The following LPIN3 variants were observed in gnomAD, a reference collection of about 807,000 sequenced individuals.
The protein encoded by LPIN3 is phosphatidate phosphatase LPIN3.
LPIN3 carries 82 observed loss-of-function variants against 94.7 expected under a neutral mutation model. The ratio of observed to expected loss-of-function variants is 0.87; its 90% CI spans 0.72 to 1.04. LPIN3 has a LOEUF of 1.04. Ranked by LOEUF, LPIN3 falls within the 50% of genes least tolerant of loss-of-function variation. The pLI, the probability that LPIN3 is intolerant of heterozygous loss-of-function variation, is 0.00. For synonymous variants in LPIN3, 418 were observed against 443.3 expected (o/e 0.94, Z 0.72); for missense variants, 996 against 1,090.5 (o/e 0.91, Z 1.22).
chr20:41,353,075 G>C (rs778858155), intron 11 of LPIN3, among the ~76,000 whole-genome samples: 1 of 152,222 alleles, frequency 6.6e-6, no homozygotes, highest in Non-Finnish European at 1.5e-5. Context: ...GCTGAATCCT[G>C]TTGTATTTAA....
In LPIN3 at chr20:41,352,099, C is replaced by A. The variant is rs756236672; in HGVS notation, c.1242C>A (p.Ser414Arg). 19 of 1,614,104 alleles carry A rather than the reference C, an allele frequency of 1.2e-5. No homozygotes were observed. ...GGGCCAGAAGATGGAGTGAACCCAGCAGTCAGAAGTCCCTGAGGGACCCCA... is the reference window on the plus strand; with the variant it reads ...GGGCCAGAAGATGGAGTGAACCCAGAAGTCAGAAGTCCCTGAGGGACCCCA... The part of the protein sequence containing the change: ...GLGARRWSEP[S>R]SQKSLRDPNP... Residue 414 changes from serine (S) to arginine (R), a missense_variant, in exon 9 of 20, where the codon AGC becomes AGA. Physicochemically the swap from Ser to Arg is moderately radical, Grantham distance 110. Transcript: ENST00000373257.
chr20:41,347,700 C>T, intron 3 of LPIN3, 53 bp downstream of exon 3: 2 of 1,473,694 alleles, frequency 1.4e-6, no homozygotes, highest in Non-Finnish European at 1.9e-6. Flanking sequence ...TCCTGTGCCT[C>T]TTCTGGGCAG....
chr20:41,356,168 A>G, intron 14 of LPIN3, 134 bp downstream of exon 14: 1 of 1,306,454 alleles, frequency 7.7e-7, no homozygotes. Context: ...TCCCCTTGGG[A>G]GCCTCCCTGA....
rs749482291 is a variant in LPIN3, at chr20:41,354,735, G to A, written c.1618G>A (p.Glu540Lys). Reference sequence around the variant, plus strand: ...GCGACGCAGGGACTTCCTGGCCGAGGAGGTGGGTGGTCACAGTCGAGGGCC... The same window carrying A: ...GCGACGCAGGGACTTCCTGGCCGAGAAGGTGGGTGGTCACAGTCGAGGGCC... ...SWRRRDFLAE[E>K]RSAQKEKTAA... Residue 540 changes from glutamate to lysine, a missense_variant and splice_region_variant, in exon 12 of 20, where the codon GAG becomes AAG. Glu to Lys is a moderately conservative substitution (Grantham distance 56). Transcript: ENST00000373257. 1 of 1,608,114 alleles carries A rather than the reference G, an allele frequency of 6.2e-7. No homozygotes were observed. The highest frequency in any genetic ancestry group is 1.1e-5 in the South Asian group (1 of 90,360).
chr20:41,347,355 G>T (rs1002516424), intron 2 of LPIN3, among the ~76,000 whole-genome samples, 197 bp from the exon 3 acceptor site: 4 of 152,220 alleles, frequency 2.6e-5, no homozygotes, highest in Non-Finnish European at 4.4e-5. Flanking sequence ...CTCAGTGAAG[G>T]CCTCTCTGAG....
chr20:41,352,184 T>C lies in LPIN3; in HGVS notation c.1327T>C (p.Cys443Arg). ...DTVDTIALSL[C>R]GGLADSRDIS... ...AGTGGATACAATAGCACTGTCCCTCTGTGGTGGACTGGCTGACAGCCGGGA... is the reference window on the plus strand; with the variant it reads ...AGTGGATACAATAGCACTGTCCCTCCGTGGTGGACTGGCTGACAGCCGGGA... Residue 443 changes from cysteine (C) to arginine (R), a missense_variant, in exon 9 of 20, where the codon TGT (cysteine) becomes CGT (arginine). Transcript: ENST00000373257. The C allele has an allele frequency of 6.2e-7, 1 of 1,614,212 alleles. No homozygotes were observed. Among genetic ancestry groups the C allele is most frequent in the Non-Finnish European group, 8.5e-7 (1 of 1,180,030 alleles).
At position 41,350,103 on chromosome 20, in the gene LPIN3, G is replaced by A. The variant is rs1241920226; in HGVS notation, c.808G>A (p.Ala270Thr). 2 of 1,610,574 alleles carry A rather than the reference G, an allele frequency of 1.2e-6. No individual in the cohort carries two copies. Among genetic ancestry groups the A allele is most frequent in the Admixed American group, 3.4e-5 (2 of 59,644 alleles). Residue 270 changes from alanine to threonine, a missense_variant, in exon 7 of 20, where the codon GCT becomes ACT. Physicochemically the swap from Ala to Thr is moderately conservative, Grantham distance 58. Coordinates refer to ENST00000373257, the MANE Select transcript of LPIN3 (RefSeq NM_022896.3). Reference sequence around the variant, plus strand: ...GTCCTCAGTGGTCCTTGAAGGCAGAGCTGGGGCAACCTCTCCTCCTCGGGG... The same window carrying A: ...GTCCTCAGTGGTCCTTGAAGGCAGAACTGGGGCAACCTCTCCTCCTCGGGG... ...PESSVVLEGR[A>T]GATSPPRGGP... is the part of the protein sequence containing the mutation.
In LPIN3 at chr20:41,350,372, G is replaced by A. The variant is rs1301977290; in HGVS notation, c.1077G>A (p.Gln359=). The part of the protein sequence containing the change: ...ATLEVPVPTG[Q]PERVSRGKGS... ...TGGAGGTTCCAGTTCCCACCGGGCA[G>A]CCAGAGAGGGTCTCCAGGGGGAAAG... is the stretch of plus-strand genomic sequence containing the variant. Residue 359 remains glutamine, a synonymous_variant, in exon 7 of 20, where the codon CAG becomes CAA. Coordinates refer to ENST00000373257, the MANE Select transcript of LPIN3 (RefSeq NM_022896.3). The A allele has an allele frequency of 1.9e-6, 3 of 1,578,656 alleles. No individual in the cohort carries two copies. The highest frequency in any genetic ancestry group is 1.3e-5 in the African/African-American group (1 of 74,184).
chr20:41,355,958 TC>T lies in LPIN3; in HGVS notation c.1731del (p.Ser578ProfsTer27). On this transcript the variant is annotated frameshift_variant, in exon 14 of 20. Coordinates refer to ENST00000373257, the MANE Select transcript of LPIN3 (RefSeq NM_022896.3). LOFTEE classifies it high-confidence loss of function. ...DAPDSPVILE[I>X]PSLPPSTPPS... is the part of the protein sequence containing the mutation. ...CCAGACAGCCCTGTGATCCTGGAGA[TC>T]CCCTCCTTGCCACCCTCCACTCCAC... 1 of 1,613,968 alleles carries T rather than the reference TC, an allele frequency of 6.2e-7. No individual in the cohort carries two copies. The highest frequency in any genetic ancestry group is 8.5e-7 in the Non-Finnish European group (1 of 1,179,954).
chr20:41,357,013 G>T, intron 14 of LPIN3, 27 bp from the exon 15 acceptor site: 1 of 1,603,282 alleles, frequency 6.2e-7, no homozygotes, highest in South Asian at 1.1e-5. Context: ...CATCAATCAC[G>T]ACACACCCCC....
At chr20:41,348,225 C>A (rs1016216932) in intron 3 of LPIN3, among the ~76,000 whole-genome samples, 1 of 152,208 alleles carries the variant, frequency 6.6e-6, no homozygotes, top group African/African-American at 2.4e-5. Context: ...GGGAGCTAGA[C>A]ACATAAACAA....
chr20:41,347,051 G>T (rs1310471599), intron 2 of LPIN3, among the ~76,000 whole-genome samples: 2 of 152,204 alleles, frequency 1.3e-5, no homozygotes, highest in Admixed American at 1.3e-4. Context: ...CTGTAAAGTG[G>T]AGGTAATGAT....
Position 41,357,974 on chromosome 20 carries a change from G to C in LPIN3, c.2132G>C (p.Cys711Ser), listed in dbSNP as rs1339430969. 20 of 1,612,862 alleles carry C rather than the reference G, an allele frequency of 1.2e-5. No homozygotes were observed. Among genetic ancestry groups the C allele is most frequent in the Non-Finnish European group, 1.7e-5 (20 of 1,179,574 alleles). Residue 711 changes from cysteine (C) to serine (S), a missense_variant, in exon 17 of 20, where the codon TGT becomes TCT. Coordinates refer to ENST00000373257, the MANE Select transcript of LPIN3 (RefSeq NM_022896.3). The stretch of plus-strand genomic sequence containing the variant: ...CTGCAGTGGGTGAGCGAGGGGGGCT[G>C]TAGCCTCCCCAAGGGCCCCATCCTT... ...GYLQWVSEGG[C>S]SLPKGPILLS...
chr20:41,341,208 C>G (rs996342724), intron 1 of LPIN3, among the ~76,000 whole-genome samples: 1 of 152,178 alleles, frequency 6.6e-6, no homozygotes, highest in Non-Finnish European at 1.5e-5. Context: ...ACACCCAGAA[C>G]GTAGAGTCTG....
At chr20:41,341,341 C>T (rs1381934283) in intron 1 of LPIN3, among the ~76,000 whole-genome samples, 1 of 152,222 alleles carries the variant, frequency 6.6e-6, no homozygotes, top group Non-Finnish European at 1.5e-5. Flanking sequence ...AAAACAGTGA[C>T]TGGCCCTTGC....
rs1302358099 is a variant in LPIN3, at chr20:41,352,706, C to T, written c.1457+7C>T. 2 of 1,613,690 alleles carry T rather than the reference C, an allele frequency of 1.2e-6. No homozygotes were observed. The highest frequency in any genetic ancestry group is 2.7e-5 in the African/African-American group (2 of 74,926). On this transcript the variant is annotated splice_region_variant and intron_variant, in intron 10 of 19. Transcript: ENST00000373257. ...TGGTGAAAATCAATGGAAAGTAAGT[C>T]CCAGAGCTGGGGCTGCTGGCAGCCG...
chr20:41,358,132 T>C (rs2046279708), intron 17 of LPIN3, 98 bp downstream of exon 17: 1 of 1,582,116 alleles, frequency 6.3e-7, no homozygotes, highest in African/African-American at 1.3e-5. Context: ...AGCTCTCAGG[T>C]GGCAAGGAGG....
Position 41,349,457 on chromosome 20 carries a change from T to C in LPIN3, c.638+285T>C, listed in dbSNP as rs534607474. 3.3e-5 allele frequency among the ~76,000 whole-genome samples: 5 copies of C among 152,270 alleles called. No individual in the cohort carries two copies. The East Asian group carries it at 9.7e-4, about 29-fold the overall frequency. On this transcript the variant is annotated intron_variant, in intron 5 of 19. Transcript: ENST00000373257. ...ATCACCACTATCTAGTTCCAGAACATCCCATCCCCCAAATGGAAACCCTAT... is the reference window on the plus strand; with the variant it reads ...ATCACCACTATCTAGTTCCAGAACACCCCATCCCCCAAATGGAAACCCTAT...
intron 14 of LPIN3, among the ~76,000 whole-genome samples, chr20:41,356,361 C>T (rs2046208878): frequency 6.6e-6 from 1 of 152,206 alleles, no homozygotes; most frequent in Admixed American, 6.5e-5. Flanking sequence ...AATGACAGCC[C>T]CTCAGATTCT....
Sources: allele counts gnomAD v4.1 joint callset (sites outside exome capture counted in the v4.1 genomes callset), GRCh38; gene constraint gnomAD v4.1.1; transcripts MANE v1.5; gene names NCBI Gene and HGNC (gene_info 2026-07-23, HGNC 2026-07-21).